The following ZNRF3 variants were observed in gnomAD, a reference collection of about 807,000 sequenced individuals.
ZNRF3 encodes the protein zinc and ring finger 3, also known as E3 ubiquitin-protein ligase ZNRF3.
A neutral mutation model predicts 72.5 loss-of-function variants in ZNRF3; 23 were observed. The observed-to-expected ratio is 0.32, with a 90% CI of 0.23 to 0.45. ZNRF3 has a LOEUF of 0.45. ZNRF3 is among the 20% of genes least tolerant of loss of function. The probability of loss-of-function intolerance (pLI) is 1.00; values close to 1 mark genes in which losing one functional copy is unlikely to be tolerated. For missense variants in ZNRF3, 1,169 were observed against 1,272.1 expected, an observed-to-expected ratio of 0.92 and a Z score of 1.23; for synonymous variants, 610 against 545.3, an observed-to-expected ratio of 1.12 and a Z score of -1.65.
chr22:28,986,550 C>T (rs1305713295), intron 1 of ZNRF3: 3 of 919,824 alleles, frequency 3.3e-6, no homozygotes, highest in Non-Finnish European at 3.9e-6. Flanking sequence ...TCCCAGTAAC[C>T]AGGGGTAGCC....
At chr22:28,946,455 C>T (rs2123791395) in intron 1 of ZNRF3, among the ~76,000 whole-genome samples, 1 of 152,218 alleles carries the variant, frequency 6.6e-6, no homozygotes, top group African/African-American at 2.4e-5. Context: ...AATGTGTCAT[C>T]CTTCTGTAAT....
intron 2 of ZNRF3, among the ~76,000 whole-genome samples, chr22:29,006,501 C>T (rs4333023): frequency 0.44 from 67,094 of 151,908 alleles, 15,239 homozygotes; most frequent in Non-Finnish European, 0.49. Context: ...TGTGAGCCAC[C>T]GCACCTGGCC....
chr22:28,902,872 G>C (rs1291569770), intron 1 of ZNRF3, among the ~76,000 whole-genome samples: 1 of 152,314 alleles, frequency 6.6e-6, no homozygotes, highest in Admixed American at 6.5e-5. Context: ...TAACGTTTAT[G>C]TTGCAGTTCC....
rs2037179893 is a variant in ZNRF3 at position 29,050,467 on chromosome 22, C to T, written c.2286C>T (p.His762=). ...GCTCCCAGGGCTTGTACGGCCTTCA[C>T]CCCGACCATTTGCCCAGGACAGATG... ...SGSSQGLYGL[H]PDHLPRTDGV... Residue 762 remains histidine (H), a synonymous_variant, in exon 8 of 9, where the codon CAC becomes CAT. Transcript: ENST00000544604. The T allele has an allele frequency of 6.2e-7, 1 of 1,612,614 alleles. No homozygotes were observed. Among genetic ancestry groups the T allele is most frequent in the East Asian group, 2.2e-5 (1 of 44,868 alleles).
intron 1 of ZNRF3, among the ~76,000 whole-genome samples, chr22:28,891,125 G>A (rs1176556851): frequency 6.6e-6 from 1 of 152,132 alleles, no homozygotes; most frequent in East Asian, 1.9e-4. Flanking sequence ...TGACATTTAA[G>A]TAAATCTTCA....
intron 1 of ZNRF3, among the ~76,000 whole-genome samples, chr22:28,884,464 C>G (rs1380479857): frequency 6.6e-6 from 1 of 152,238 alleles, no homozygotes; most frequent in African/African-American, 2.4e-5. Context: ...GCAGGCTTTG[C>G]TTTTCCATCC....
At chr22:28,980,421 C>T (rs1437837471) in intron 1 of ZNRF3, among the ~76,000 whole-genome samples, 1 of 152,140 alleles carries the variant, frequency 6.6e-6, no homozygotes, top group Non-Finnish European at 1.5e-5. Flanking sequence ...AGGTGATGTG[C>T]CTCATAAAAG....
At position 29,050,683 on chromosome 22, in the gene ZNRF3, G is replaced by A. The variant is rs751238538; in HGVS notation, c.2502G>A (p.Glu834=). ...DLSQRIPIIP[E]DVDCDLGLPS... ...GCCAGCGCATCCCCATCATTCCAGA[G>A]GATGTGGACTGTGATCTGGGCCTGC... The change falls in exon 8 of 9, where the codon GAG becomes GAA. Residue 834 remains glutamate (E), a synonymous_variant. Transcript: ENST00000544604. 1 of 1,612,536 alleles carries A rather than the reference G, an allele frequency of 6.2e-7. No individual in the cohort carries two copies. The highest frequency in any genetic ancestry group is 1.7e-5 in the Admixed American group (1 of 59,958).
chr22:29,014,499 G>A (rs1000954095), intron 2 of ZNRF3, among the ~76,000 whole-genome samples: 1 of 152,136 alleles, frequency 6.6e-6, no homozygotes, highest in Non-Finnish European at 1.5e-5. Context: ...TCTCCCTGCC[G>A]CTCCGTGTTT....
chr22:29,031,676 T>C (rs1013054728), intron 2 of ZNRF3: 11 of 972,882 alleles, frequency 1.1e-5, no homozygotes, highest in Non-Finnish European at 1.3e-5. Flanking sequence ...GGGAGGGGGA[T>C]AACAGGACTC....
chr22:28,958,007 G>A lies in ZNRF3; in HGVS notation c.301-29069G>A, dbSNP rs182078240. 2.5e-3 allele frequency among the ~76,000 whole-genome samples: 372 copies of A among 151,758 alleles called. 2 individuals carry two copies. Among genetic ancestry groups the A allele is most frequent in the African/African-American group, 8.5e-3 (353 of 41,476 alleles). ...TCGAGACCATCCTGGCTAACACGGT[G>A]AAACCCCGTCTCTACTAAAAATACA... On this transcript the variant is annotated intron_variant, in intron 1 of 8. Transcript: ENST00000544604.
intron 1 of ZNRF3, among the ~76,000 whole-genome samples, chr22:28,984,133 A>ATTT (rs1569270628): frequency 3.4e-5 from 3 of 88,366 alleles, no homozygotes; most frequent in African/African-American, 8.2e-5. Flanking sequence ...TTTTTTTTTA[A>ATTT]AAAAAACCTT....
intron 1 of ZNRF3, among the ~76,000 whole-genome samples, chr22:28,930,310 C>T (rs916761424): frequency 1.3e-5 from 2 of 152,114 alleles, no homozygotes; most frequent in East Asian, 3.8e-4. Flanking sequence ...GATCTAGAAA[C>T]ACATATAGCT....
intron 2 of ZNRF3, chr22:29,025,123 A>C (rs2036606364): frequency 6.6e-6 from 1 of 152,014 alleles, no homozygotes; most frequent in African/African-American, 2.4e-5. Context: ...CTGGGATTAC[A>C]GGTGCCCACC....
At position 29,048,290 on chromosome 22, in the gene ZNRF3, G is replaced by A. The variant is rs904941544; in HGVS notation, c.913-99G>A. 1.2e-5 allele frequency: 11 copies of A among 895,660 alleles called. No individual in the cohort carries two copies. Among genetic ancestry groups the A allele is most frequent in the South Asian group, 1.7e-5 (1 of 59,976 alleles). 55.5% of individuals were successfully genotyped at this position (895,660 alleles called of 1,614,324 possible). ...TGGGGAGGAGAGTAGGGAAGGGCAC[G>A]GGCATGCTGTGCAGAACTCCTTGGT... On this transcript the variant is annotated intron_variant, in intron 6 of 8. Coordinates refer to ENST00000544604, the MANE Select transcript of ZNRF3 (RefSeq NM_001206998.2). The surrounding 1 kb of genome is among the most constrained non-coding windows in gnomAD (Gnocchi z 4.9).
rs1329134557 is a variant in ZNRF3, at chr22:28,919,843, A to T, written c.300+35777A>T. On this transcript the variant is annotated intron_variant, in intron 1 of 8. Transcript: ENST00000544604. The stretch of plus-strand genomic sequence containing the variant: ...TAAGAGATGTAAGTTACAATAAGCG[A>T]TGAGGGGGTGAAATTTAATTCTGTG... 3.9e-5 allele frequency among the ~76,000 whole-genome samples: 6 copies of T among 152,036 alleles called. No individual in the cohort carries two copies. In the East Asian group the frequency reaches 9.6e-4, roughly 24 times the overall value.
At position 29,030,660 on chromosome 22, in the gene ZNRF3, C is replaced by T. The variant is rs1199071728; in HGVS notation, c.427-11835C>T. 6.6e-6 allele frequency among the ~76,000 whole-genome samples: 1 copy of T among 151,432 alleles called. No homozygotes were observed. The highest frequency in any genetic ancestry group is 1.5e-5 in the Non-Finnish European group (1 of 67,912). On this transcript the variant is annotated intron_variant, in intron 2 of 8. Transcript: ENST00000544604. The surrounding 1 kb of genome is among the most constrained non-coding windows in gnomAD (Gnocchi z 4.2). ...GGGCACTTTCCCGGGTCGGAGAAGG[C>T]CGGATGGCAGCCCGCCCCGAAAGTC...
rs369769664 is a variant in ZNRF3, at chr22:29,053,583, G to A, written c.2772G>A (p.Pro924=). ...SSTTATEAAG[P]RSHSADSSSP... is the part of the protein sequence containing the mutation. Reference sequence around the variant, plus strand: ...ATTGTTCTCTCTCTTTCCCAGGACCGAGATCTCACTCAGCAGACAGCAGCA... The same window carrying A: ...ATTGTTCTCTCTCTTTCCCAGGACCAAGATCTCACTCAGCAGACAGCAGCA... Residue 924 remains proline (P), a synonymous_variant, in exon 9 of 9, where the codon CCG becomes CCA. Coordinates refer to ENST00000544604, the MANE Select transcript of ZNRF3 (RefSeq NM_001206998.2). 2.5e-5 allele frequency: 40 copies of A among 1,612,796 alleles called. No homozygotes were observed. Among genetic ancestry groups the A allele is most frequent in the African/African-American group, 9.4e-5 (7 of 74,658 alleles).
intron 2 of ZNRF3, among the ~76,000 whole-genome samples, chr22:29,020,032 C>G (rs1170909592): frequency 6.6e-6 from 1 of 151,204 alleles, no homozygotes; most frequent in Admixed American, 6.6e-5. Flanking sequence ...CCCATGGATA[C>G]CAAAAGCCAC....
Sources: allele counts gnomAD v4.1 joint callset (sites outside exome capture counted in the v4.1 genomes callset), GRCh38; gene constraint gnomAD v4.1.1; non-coding constraint Gnocchi (gnomAD v3.1); transcripts MANE v1.5; gene names NCBI Gene and HGNC (gene_info 2026-07-23, HGNC 2026-07-21).